EYA1: variants seen among roughly 807,000 people sequenced by gnomAD.
The protein encoded by EYA1 is protein phosphatase EYA1.
In EYA1, 16 loss-of-function variants were observed where a neutral mutation model predicts 82.0. The observed-to-expected ratio is 0.20, with a 90% CI of 0.13 to 0.30. EYA1 has a LOEUF of 0.30. Ranked by LOEUF, EYA1 falls within the 10% of genes least tolerant of loss-of-function variation. The pLI, the probability that EYA1 is intolerant of heterozygous loss-of-function variation, is 1.00. For missense variants in EYA1, 633 were observed against 730.7 expected (o/e 0.87, Z 1.54); for synonymous variants, 261 against 264.4 (o/e 0.99, Z 0.12).
chr8:71,270,042 C>T (rs190838479), intron 10 of EYA1, among the ~76,000 whole-genome samples: 1 of 152,196 alleles, frequency 6.6e-6, no homozygotes, highest in East Asian at 1.9e-4. Flanking sequence ...TTTGTAATGT[C>T]AATATAAATA....
intron 12 of EYA1, among the ~76,000 whole-genome samples, chr8:71,218,939 T>C (rs924797694): frequency 1.3e-5 from 2 of 151,550 alleles, no homozygotes; most frequent in Admixed American, 6.6e-5. Flanking sequence ...AAAATGTATG[T>C]TCAAAAGAAT....
intron 9 of EYA1, among the ~76,000 whole-genome samples, chr8:71,277,254 A>G (rs906009211): frequency 6.7e-6 from 1 of 149,762 alleles, no homozygotes; most frequent in Non-Finnish European, 1.5e-5. Flanking sequence ...CCTGCAATAT[A>G]TATCTCTCAA....
At chr8:71,310,359 CA>C (rs1463174325) in intron 7 of EYA1, among the ~76,000 whole-genome samples, 2 of 152,144 alleles carry the variant, frequency 1.3e-5, no homozygotes, top group Non-Finnish European at 2.9e-5. Context: ...TTTCATCACC[CA>C]GGTATTAAGC....
intron 12 of EYA1, among the ~76,000 whole-genome samples, chr8:71,238,746 C>A (rs1812138081): frequency 6.6e-6 from 1 of 151,946 alleles, no homozygotes; most frequent in Non-Finnish European, 1.5e-5. Flanking sequence ...AAATTATCTA[C>A]AAAAATAATT....
intron 16 of EYA1, among the ~76,000 whole-genome samples, chr8:71,215,065 C>T (rs1172336187): frequency 6.6e-6 from 1 of 152,106 alleles, no homozygotes; most frequent in Non-Finnish European, 1.5e-5. Context: ...TTTGTTTTAG[C>T]TTAGAAAATC....
intron 11 of EYA1, among the ~76,000 whole-genome samples, chr8:71,260,158 T>A (rs1563712646): frequency 6.6e-6 from 1 of 152,216 alleles, no homozygotes. Context: ...TTGGCCATGC[T>A]ATTTTTCTAA....
chr8:71,341,636 C>G (rs1435198466), intron 3 of EYA1, among the ~76,000 whole-genome samples: 1 of 152,088 alleles, frequency 6.6e-6, no homozygotes, highest in Non-Finnish European at 1.5e-5. Flanking sequence ...TTAGTTAATT[C>G]CCATTTAGAA....
At chr8:71,454,342 G>A (rs1370437747) in intron 2 of EYA1, among the ~76,000 whole-genome samples, 1 of 152,140 alleles carries the variant, frequency 6.6e-6, no homozygotes, top group African/African-American at 2.4e-5. Context: ...GCACCCCACT[G>A]TCAACATTAG....
chr8:71,366,600 T>C (rs898526481), upstream of EYA1, among the ~76,000 whole-genome samples: 3 of 152,192 alleles, frequency 2.0e-5, no homozygotes, highest in Admixed American at 1.3e-4. Context: ...GAGTTCACAG[T>C]TTTTAAATTC....
chr8:71,273,257 C>T (rs1216723934), intron 9 of EYA1, among the ~76,000 whole-genome samples: 1 of 152,214 alleles, frequency 6.6e-6, no homozygotes, highest in Non-Finnish European at 1.5e-5. Flanking sequence ...GATTCTCACA[C>T]CCAGAAACCA....
At chr8:71,296,211 C>G (rs1563416527) in intron 9 of EYA1, among the ~76,000 whole-genome samples, 1 of 151,992 alleles carries the variant, frequency 6.6e-6, no homozygotes, top group Non-Finnish European at 1.5e-5. Context: ...ATTAAAATAT[C>G]CATCCAAAGG....
intron 17 of EYA1, among the ~76,000 whole-genome samples, chr8:71,206,179 C>G (rs1292214965): frequency 6.6e-6 from 1 of 151,544 alleles, no homozygotes; most frequent in African/African-American, 2.4e-5. Flanking sequence ...TTTTGTAAGT[C>G]AAGTCATATT....
intron 1 of EYA1, among the ~76,000 whole-genome samples, chr8:71,540,372 T>C (rs1815049389): frequency 6.6e-6 from 1 of 152,174 alleles, no homozygotes; most frequent in Non-Finnish European, 1.5e-5. Context: ...AGCACCCCAT[T>C]GTACAGGTAA....
chr8:71,243,340 A>G (rs1211283046), intron 12 of EYA1, among the ~76,000 whole-genome samples: 1 of 152,214 alleles, frequency 6.6e-6, no homozygotes, highest in African/African-American at 2.4e-5. Context: ...AGCTTTTGAA[A>G]ATAAGTATGA....
chr8:71,512,347 AGT>A (rs1472929271), intron 2 of EYA1, among the ~76,000 whole-genome samples: 1 of 152,074 alleles, frequency 6.6e-6, no homozygotes, highest in Non-Finnish European at 1.5e-5. Flanking sequence ...TTCAGAAAAA[AGT>A]TTTTAAAAAA....
chr8:71,413,992 T>C (rs1444878411), intron 2 of EYA1, among the ~76,000 whole-genome samples: 1 of 152,150 alleles, frequency 6.6e-6, no homozygotes, highest in Admixed American at 6.6e-5. Context: ...AGAATGCTGT[T>C]GGGATTAACA....
At chr8:71,383,668 A>G (rs1289768771) in intron 2 of EYA1, among the ~76,000 whole-genome samples, 2 of 152,156 alleles carry the variant, frequency 1.3e-5, no homozygotes, top group Non-Finnish European at 2.9e-5. Flanking sequence ...ACCTACAGAT[A>G]TAGATATGTA....
chr8:71,245,363 A>C (rs1334384658), intron 11 of EYA1, among the ~76,000 whole-genome samples: 1 of 151,976 alleles, frequency 6.6e-6, no homozygotes, highest in Non-Finnish European at 1.5e-5. Flanking sequence ...AGTAGCTGGG[A>C]CTACAGGCGC....
rs557883497 is a variant in EYA1 at position 71,282,928 on chromosome 8, A to G, written c.827-11031T>C. 3.1e-4 allele frequency among the ~76,000 whole-genome samples: 45 copies of G among 145,096 alleles called. 1 individual carries two copies. In the East Asian group the frequency reaches 8.7e-3, roughly 28 times the overall value. On this transcript the variant is annotated intron_variant, in intron 9 of 17. Coordinates refer to ENST00000340726, the MANE Select transcript of EYA1 (RefSeq NM_000503.6). ...CTAAGCAGAAGCTCTGATCTCTTCAACACCACCTTGTTTTTTTTTTTTTTT... is the reference window on the plus strand; with the variant it reads ...CTAAGCAGAAGCTCTGATCTCTTCAGCACCACCTTGTTTTTTTTTTTTTTT...
Sources: allele counts gnomAD v4.1 joint callset (sites outside exome capture counted in the v4.1 genomes callset), GRCh38; gene constraint gnomAD v4.1.1; transcripts MANE v1.5; gene names NCBI Gene and HGNC (gene_info 2026-07-23, HGNC 2026-07-21).